The following MICU1 variants were observed in gnomAD, a reference collection of about 807,000 sequenced individuals.
MICU1 encodes the protein mitochondrial calcium uptake 1.
In MICU1, 45 loss-of-function variants were observed where a neutral mutation model predicts 56.8. The observed-to-expected ratio is 0.79, with a 90% confidence interval of 0.62 to 1.02. The LOEUF (loss-of-function observed/expected upper bound fraction) is 1.02, where lower values mean the gene tolerates loss of function less well. Ranked by LOEUF, MICU1 falls within the 50% of genes least tolerant of loss-of-function variation. The pLI, the probability that MICU1 is intolerant of heterozygous loss-of-function variation, is 0.00. For synonymous variants in MICU1, 186 were observed against 195.1 expected, an observed-to-expected ratio of 0.95 and a Z score of 0.39; for missense variants, 504 against 587.1, an observed-to-expected ratio of 0.86 and a Z score of 1.46.
chr10:72,521,534 A>G (rs1364001584), intron 5 of MICU1, among the ~76,000 whole-genome samples: 2 of 152,046 alleles, frequency 1.3e-5, no homozygotes, highest in African/African-American at 4.8e-5. Context: ...TTATATTTGC[A>G]TTATCTCTTT....
At chr10:72,495,825 A>C (rs1442994971) in intron 6 of MICU1, among the ~76,000 whole-genome samples, 2 of 152,086 alleles carry the variant, frequency 1.3e-5, no homozygotes, top group African/African-American at 4.8e-5. Flanking sequence ...AGTCTAACTA[A>C]TTTTCTAGCT....
chr10:72,564,544 G>GAAAAAAAAAAA (rs11465166), intron 2 of MICU1, among the ~76,000 whole-genome samples: 4 of 107,332 alleles, frequency 3.7e-5, no homozygotes, highest in Non-Finnish European at 3.6e-5. Flanking sequence ...ATCTCAAAAA[G>GAAAAAAAAAAA]AAAAAAAAAA....
At chr10:72,510,475 G>A (rs1867407272) in intron 5 of MICU1, among the ~76,000 whole-genome samples, 2 of 152,044 alleles carry the variant, frequency 1.3e-5, no homozygotes, top group Admixed American at 6.5e-5. Flanking sequence ...TTCTCTAATG[G>A]TCACAATCCC....
chr10:72,411,405 G>T (rs1244591100), intron 9 of MICU1, among the ~76,000 whole-genome samples: 2 of 151,040 alleles, frequency 1.3e-5, no homozygotes, highest in African/African-American at 2.4e-5. Context: ...TCGGCTCACT[G>T]CAAGTTCCGC....
At chr10:72,415,474 C>T (rs1278759953) in intron 9 of MICU1, among the ~76,000 whole-genome samples, 1 of 152,146 alleles carries the variant, frequency 6.6e-6, no homozygotes, top group Admixed American at 6.6e-5. Context: ...AAGCATCTTC[C>T]TATTGCAAAC....
At chr10:72,399,617 G>T (rs1863384155) in intron 10 of MICU1, among the ~76,000 whole-genome samples, 1 of 151,950 alleles carries the variant, frequency 6.6e-6, no homozygotes, top group Non-Finnish European at 1.5e-5. Flanking sequence ...CTGTACTCCA[G>T]CCTGGGTGAC....
intron 1 of MICU1, among the ~76,000 whole-genome samples, chr10:72,596,459 G>C (rs1255721731): frequency 6.6e-6 from 1 of 152,014 alleles, no homozygotes; most frequent in East Asian, 1.9e-4. Context: ...TTAAGTTCTA[G>C]AAATCTGCTG....
At chr10:72,470,782 T>A (rs1865927034) in intron 8 of MICU1, among the ~76,000 whole-genome samples, 1 of 152,154 alleles carries the variant, frequency 6.6e-6, no homozygotes, top group Admixed American at 6.5e-5. Flanking sequence ...ATGGATTCAG[T>A]ATTACTAGCC....
intron 5 of MICU1, chr10:72,524,747 C>T (rs1867917771): frequency 1.6e-6 from 2 of 1,231,538 alleles, no homozygotes; most frequent in Admixed American, 8.4e-5. Flanking sequence ...GCCAGAAATC[C>T]TAATCAGAAG....
chr10:72,462,216 TTTC>T (rs1329941452), intron 8 of MICU1, among the ~76,000 whole-genome samples: 1 of 151,556 alleles, frequency 6.6e-6, no homozygotes, highest in Non-Finnish European at 1.5e-5. Context: ...TTTCTTTTCT[TTTC>T]TTTTTTTTTT....
intron 6 of MICU1, among the ~76,000 whole-genome samples, chr10:72,488,657 A>G (rs1301482695): frequency 6.6e-6 from 1 of 152,222 alleles, no homozygotes; most frequent in East Asian, 1.9e-4. Flanking sequence ...CCACTGCTCC[A>G]GTCAAGGGAG....
chr10:72,546,571 G>A (rs948094074), intron 4 of MICU1, among the ~76,000 whole-genome samples: 3 of 152,130 alleles, frequency 2.0e-5, no homozygotes, highest in African/African-American at 7.2e-5. Context: ...TGCCTAATTT[G>A]CCAATTACTC....
intron 8 of MICU1, among the ~76,000 whole-genome samples, chr10:72,444,279 G>A (rs989104183): frequency 2.6e-5 from 4 of 151,940 alleles, no homozygotes; most frequent in African/African-American, 4.8e-5. Context: ...GCTAGATGAC[G>A]AGTTAGTGGG....
At chr10:72,449,442 T>TA (rs1865227758) in intron 8 of MICU1, among the ~76,000 whole-genome samples, 1 of 152,138 alleles carries the variant, frequency 6.6e-6, no homozygotes, top group Admixed American at 6.6e-5. Flanking sequence ...CTCACTATGT[T>TA]GCCCAGGCTG....
At chr10:72,394,042 C>A (rs527348074) in intron 10 of MICU1, among the ~76,000 whole-genome samples, 1 of 152,226 alleles carries the variant, frequency 6.6e-6, no homozygotes, top group Admixed American at 6.5e-5. Context: ...GCTGGGATTA[C>A]AGGTGTGAGC....
intron 5 of MICU1, among the ~76,000 whole-genome samples, chr10:72,510,615 T>C (rs1452309387): frequency 2.0e-5 from 3 of 152,180 alleles, no homozygotes; most frequent in Non-Finnish European, 4.4e-5. Context: ...AATTTAGTAT[T>C]GATACACATA....
At chr10:72,437,399 T>G (rs1424384543) in intron 8 of MICU1, among the ~76,000 whole-genome samples, 4 of 152,114 alleles carry the variant, frequency 2.6e-5, no homozygotes, top group Non-Finnish European at 2.9e-5. Context: ...AAGGAAGCAC[T>G]CAACATAGAA....
intron 10 of MICU1, among the ~76,000 whole-genome samples, chr10:72,386,689 A>T (rs1235547675): frequency 1.3e-5 from 2 of 150,908 alleles, no homozygotes; most frequent in African/African-American, 4.9e-5. Flanking sequence ...CCTCCTAAGT[A>T]GTTGGGACTA....
chr10:72,454,834 A>G (rs1213249681), intron 8 of MICU1, among the ~76,000 whole-genome samples: 3 of 152,004 alleles, frequency 2.0e-5, no homozygotes, highest in Non-Finnish European at 4.4e-5. Context: ...AACTAGTCAC[A>G]ATCAAATTCA....
Sources: gnomAD v4.1 joint callset for allele counts (sites outside exome capture counted in the v4.1 genomes callset) on GRCh38, gnomAD v4.1.1 for gene constraint, MANE v1.5 for transcripts, NCBI Gene and HGNC (gene_info 2026-07-23, HGNC 2026-07-21) for gene names.